GALNT13: variants seen among roughly 807,000 people sequenced by gnomAD.
GALNT13 encodes the protein UDP-GalNAc:polypeptide N-acetylgalactosaminyltransferase 13.
Under a neutral mutation model 64.2 loss-of-function variants are expected in GALNT13, and 28 were observed. That is an observed-to-expected ratio of 0.44 (90% confidence interval 0.32 to 0.60). The LOEUF is 0.60. Ranked by LOEUF, GALNT13 falls within the 20% of genes least tolerant of loss-of-function variation. The pLI, the probability that GALNT13 is intolerant of heterozygous loss-of-function variation, is 0.05. For synonymous variants in GALNT13, 214 were observed against 224.6 expected, an observed-to-expected ratio of 0.95 and a Z score of 0.42; for missense variants, 577 against 669.8, an observed-to-expected ratio of 0.86 and a Z score of 1.53.
chr2:154,288,314 C>T (rs551705597), intron 8 of GALNT13, among the ~76,000 whole-genome samples: 2 of 152,124 alleles, frequency 1.3e-5, no homozygotes, highest in Non-Finnish European at 2.9e-5. Flanking sequence ...ATGAGAGCTA[C>T]AATTCACGAT....
At chr2:153,908,773 C>T (rs895070468) in intron 2 of GALNT13, among the ~76,000 whole-genome samples, 1 of 137,934 alleles carries the variant, frequency 7.2e-6, no homozygotes, top group African/African-American at 2.4e-5. Context: ...GTACCAGTAC[C>T]ATGCCATTTT....
At chr2:154,295,342 T>TTA (rs1692855300) in intron 8 of GALNT13, among the ~76,000 whole-genome samples, 3 of 148,680 alleles carry the variant, frequency 2.0e-5, no homozygotes, top group African/African-American at 2.5e-5. Flanking sequence ...TTGAAAATTC[T>TTA]TTTTATTTTA....
At chr2:154,181,675 A>G (rs926243501) in intron 4 of GALNT13, among the ~76,000 whole-genome samples, 13 of 152,118 alleles carry the variant, frequency 8.5e-5, no homozygotes, top group Admixed American at 7.9e-4. Context: ...AGGTAAAAAT[A>G]GAAGTAATTA....
chr2:153,196,163 A>G, the GALNT13 span, among the ~76,000 whole-genome samples: 1 of 152,212 alleles, frequency 6.6e-6, no homozygotes, highest in African/African-American at 2.4e-5. Flanking sequence ...TGGGACTAGC[A>G]GCGCAAACCT....
At chr2:154,145,090 ATCTATC>A (rs1165106344) in intron 4 of GALNT13, among the ~76,000 whole-genome samples, 5 of 120,564 alleles carry the variant, frequency 4.1e-5, no homozygotes, top group East Asian at 4.6e-4. Flanking sequence ...CTATCTATCT[ATCTATC>A]TATCTATATA....
chr2:154,264,869 C>G (rs1690901850), intron 8 of GALNT13, among the ~76,000 whole-genome samples: 2 of 148,622 alleles, frequency 1.3e-5, no homozygotes, highest in Admixed American at 1.3e-4. Context: ...AGTTTTTATG[C>G]CAAAGTATCT....
chr2:153,358,189 AGT>A, the GALNT13 span, among the ~76,000 whole-genome samples: 2 of 152,228 alleles, frequency 1.3e-5, no homozygotes, highest in African/African-American at 4.8e-5. Flanking sequence ...CCTAAAGTCT[AGT>A]GTTAGGAACA....
At chr2:153,288,037 G>A in the GALNT13 span, among the ~76,000 whole-genome samples, 24,232 of 151,928 alleles carry the variant, frequency 0.16, 2,596 homozygotes, top group African/African-American at 0.31. Context: ...ACACTCACAG[G>A]CTGTTGGAGG....
the GALNT13 span, among the ~76,000 whole-genome samples, chr2:153,183,175 T>G: frequency 6.8e-4 from 103 of 152,340 alleles, 1 homozygote; most frequent in Admixed American, 4.4e-3. Flanking sequence ...CCATTCTGAC[T>G]GGCATGAGAT....
At chr2:153,357,119 A>G in the GALNT13 span, 1 of 152,066 alleles carries the variant, frequency 6.6e-6, no homozygotes, top group Non-Finnish European at 1.5e-5. Flanking sequence ...AGATCTGGAA[A>G]TTTTCAATTA....
chr2:153,952,635 G>A (rs1414855647), intron 3 of GALNT13, among the ~76,000 whole-genome samples: 3 of 152,126 alleles, frequency 2.0e-5, no homozygotes. Context: ...GAGTTATCTA[G>A]AGGGACAGAA....
chr2:154,238,409 T>G (rs902692164), intron 4 of GALNT13, among the ~76,000 whole-genome samples: 1 of 152,042 alleles, frequency 6.6e-6, no homozygotes, highest in African/African-American at 2.4e-5. Context: ...TATTTAAGTA[T>G]TAAATGGACT....
At chr2:153,572,659 C>T in the GALNT13 span, among the ~76,000 whole-genome samples, 2 of 151,876 alleles carry the variant, frequency 1.3e-5, no homozygotes, top group Non-Finnish European at 1.5e-5. Flanking sequence ...TCATTTGTTT[C>T]AAGAAATATT....
chr2:154,325,138 T>TA (rs879320817), intron 9 of GALNT13, among the ~76,000 whole-genome samples: 2,061 of 142,906 alleles, frequency 0.014, 39 homozygotes, highest in African/African-American at 0.041. Flanking sequence ...AGTGAGAAAG[T>TA]AAAAAAAAAA....
At chr2:153,996,709 C>T (rs186083963) in intron 3 of GALNT13, among the ~76,000 whole-genome samples, 2 of 152,186 alleles carry the variant, frequency 1.3e-5, no homozygotes, top group East Asian at 3.9e-4. Flanking sequence ...CTTTTATTGC[C>T]TGTGCTTTTC....
the GALNT13 span, among the ~76,000 whole-genome samples, chr2:153,769,844 A>C: frequency 2.0e-5 from 3 of 151,908 alleles, no homozygotes; most frequent in South Asian, 6.2e-4. Flanking sequence ...AAATTCTTTC[A>C]CTCAATTTAG....
the GALNT13 span, among the ~76,000 whole-genome samples, chr2:153,834,138 T>G: frequency 6.6e-6 from 1 of 152,120 alleles, no homozygotes. Flanking sequence ...GTAGCTGTTT[T>G]TAGTTAGGCG....
chr2:153,990,986 TGATGA>T (rs1269866236), intron 3 of GALNT13, among the ~76,000 whole-genome samples: 3 of 152,202 alleles, frequency 2.0e-5, no homozygotes, highest in African/African-American at 7.2e-5. Flanking sequence ...CCCATGGTTC[TGATGA>T]AACTCTCATG....
chr2:154,398,881 G>A (rs1045130124), intron 10 of GALNT13, among the ~76,000 whole-genome samples: 1 of 152,164 alleles, frequency 6.6e-6, no homozygotes, highest in Non-Finnish European at 1.5e-5. Flanking sequence ...AGGTGCTTTA[G>A]ATGAATTACG....
Sources: allele counts gnomAD v4.1 joint callset (sites outside exome capture counted in the v4.1 genomes callset), GRCh38; gene constraint gnomAD v4.1.1; transcripts MANE v1.5; gene names NCBI Gene and HGNC (gene_info 2026-07-23, HGNC 2026-07-21).